FBXL17: variants seen among roughly 807,000 people sequenced by gnomAD.
FBXL17 encodes F-box/LRR-repeat protein 17.
A neutral mutation model predicts 66.2 loss-of-function variants in FBXL17; 22 were observed. The ratio of observed to expected loss-of-function variants is 0.33; its 90% CI spans 0.24 to 0.47. The LOEUF is 0.47. FBXL17 is among the 20% of genes least tolerant of loss of function. The pLI is 1.00. For missense variants in FBXL17, 878 were observed against 948.2 expected (o/e 0.93, Z 0.97); for synonymous variants, 474 against 400.5 (o/e 1.18, Z -2.19).
intron 6 of FBXL17, among the ~76,000 whole-genome samples, chr5:108,026,615 C>T (rs1355690489): frequency 5.3e-5 from 8 of 152,308 alleles, no homozygotes; most frequent in Admixed American, 3.3e-4. Context: ...GGGGCAAAGA[C>T]TAGGAGTGAC....
chr5:108,248,841 C>A (rs1431634708), intron 4 of FBXL17, among the ~76,000 whole-genome samples: 2 of 151,714 alleles, frequency 1.3e-5, no homozygotes, highest in East Asian at 3.9e-4. Context: ...AGTTCTATAT[C>A]CAGAAAAAAA....
intron 5 of FBXL17, among the ~76,000 whole-genome samples, chr5:108,209,714 G>A (rs1363944845): frequency 2.0e-5 from 3 of 152,184 alleles, no homozygotes; most frequent in Non-Finnish European, 4.4e-5. Context: ...CGGTTTGCCA[G>A]TATTTTATTG....
chr5:107,870,682 T>C (rs1284789118), intron 8 of FBXL17, among the ~76,000 whole-genome samples: 12 of 151,348 alleles, frequency 7.9e-5, no homozygotes, highest in Non-Finnish European at 1.2e-4. Flanking sequence ...GCCTCCTGGG[T>C]CCAAGTGATT....
At position 107,954,478 on chromosome 5, in the gene FBXL17, T is replaced by C. The variant is rs554625136; in HGVS notation, c.1822+66447A>G. On this transcript the variant is annotated intron_variant, in intron 7 of 8. Coordinates refer to ENST00000542267, the MANE Select transcript of FBXL17 (RefSeq NM_001163315.3). ...CTGTAGGCCATGGAAGGAGCACTGTTACAGAGTGCAAGGGACCTCAAAAGG... is the reference window on the plus strand; with the variant it reads ...CTGTAGGCCATGGAAGGAGCACTGTCACAGAGTGCAAGGGACCTCAAAAGG... 1.1e-4 allele frequency among the ~76,000 whole-genome samples: 17 copies of C among 152,344 alleles called. No homozygotes were observed. The South Asian group carries it at 3.5e-3, about 32-fold the overall frequency.
chr5:108,034,400 G>A (rs1021625510), intron 6 of FBXL17, among the ~76,000 whole-genome samples: 8 of 152,108 alleles, frequency 5.3e-5, no homozygotes, highest in Admixed American at 1.3e-4. Flanking sequence ...TCCTATCACC[G>A]AAAGAATTCT....
At chr5:108,371,453 A>G (rs1041936910) in intron 1 of FBXL17, among the ~76,000 whole-genome samples, 1 of 152,236 alleles carries the variant, frequency 6.6e-6, no homozygotes, top group Non-Finnish European at 1.5e-5. Flanking sequence ...AATGTATACA[A>G]CTATGTGCCA....
chr5:107,959,089 A>G (rs987631270), intron 7 of FBXL17, among the ~76,000 whole-genome samples: 2 of 152,022 alleles, frequency 1.3e-5, no homozygotes, highest in African/African-American at 2.4e-5. Flanking sequence ...TCTTACACGC[A>G]CCACACGCCA....
chr5:107,871,270 G>T (rs1395185158), intron 8 of FBXL17, among the ~76,000 whole-genome samples: 1 of 152,122 alleles, frequency 6.6e-6, no homozygotes, highest in Admixed American at 6.5e-5. Context: ...TCTTTTTCAT[G>T]AAATGTGTGT....
chr5:108,189,594 A>G (rs1469917815), intron 5 of FBXL17, among the ~76,000 whole-genome samples: 2 of 152,118 alleles, frequency 1.3e-5, no homozygotes, highest in African/African-American at 4.8e-5. Context: ...TGCCCCCTTG[A>G]GTGTGGACAG....
chr5:108,045,832 A>G (rs182467408), intron 6 of FBXL17, among the ~76,000 whole-genome samples: 50 of 152,314 alleles, frequency 3.3e-4, no homozygotes, highest in Middle Eastern at 3.4e-3. Flanking sequence ...AATACAATCC[A>G]TATGATTTTA....
chr5:108,297,038 C>T (rs1758376373), intron 4 of FBXL17, among the ~76,000 whole-genome samples: 1 of 151,098 alleles, frequency 6.6e-6, no homozygotes, highest in South Asian at 2.1e-4. Context: ...AATAATAAAC[C>T]TAGCATGCAT....
intron 4 of FBXL17, among the ~76,000 whole-genome samples, chr5:108,291,930 C>T (rs1758128812): frequency 6.6e-6 from 1 of 152,120 alleles, no homozygotes; most frequent in African/African-American, 2.4e-5. Context: ...TCACTGCCCT[C>T]AGTTCAGGTG....
chr5:108,055,308 A>ACAAAAC (rs1561388277), intron 6 of FBXL17, among the ~76,000 whole-genome samples: 12 of 21,920 alleles, frequency 5.5e-4, no homozygotes, highest in African/African-American at 2.5e-3. Flanking sequence ...AAAAAAAAAA[A>ACAAAAC]AAAAAGAAAA....
At chr5:108,283,403 T>C (rs1419179075) in intron 4 of FBXL17, among the ~76,000 whole-genome samples, 1 of 151,784 alleles carries the variant, frequency 6.6e-6, no homozygotes, top group Non-Finnish European at 1.5e-5. Flanking sequence ...CATATTTATA[T>C]TCAACTGATC....
intron 6 of FBXL17, among the ~76,000 whole-genome samples, chr5:108,154,903 C>G (rs189749219): frequency 6.6e-6 from 1 of 151,434 alleles, no homozygotes; most frequent in Non-Finnish European, 1.5e-5. Context: ...AGTCAAGAAA[C>G]GGGATTTCCA....
At chr5:108,061,540 G>C (rs1006750798) in intron 6 of FBXL17, among the ~76,000 whole-genome samples, 1 of 151,902 alleles carries the variant, frequency 6.6e-6, no homozygotes, top group Non-Finnish European at 1.5e-5. Flanking sequence ...TTCAAAAGTT[G>C]ACCCTGACAA....
At chr5:108,231,580 C>T (rs1042792441) in intron 4 of FBXL17, among the ~76,000 whole-genome samples, 16 of 152,160 alleles carry the variant, frequency 1.1e-4, no homozygotes, top group African/African-American at 3.4e-4. Context: ...ACAGTACATT[C>T]TGCTGGCCTA....
chr5:107,993,899 C>T (rs1035236789), intron 7 of FBXL17, among the ~76,000 whole-genome samples: 6 of 152,188 alleles, frequency 3.9e-5, no homozygotes, highest in Non-Finnish European at 7.3e-5. Context: ...CCAGATCAAG[C>T]TCATTTCAGA....
At chr5:108,316,669 T>C (rs1759378356) in intron 4 of FBXL17, among the ~76,000 whole-genome samples, 2 of 151,374 alleles carry the variant, frequency 1.3e-5, no homozygotes, top group Non-Finnish European at 3.0e-5. Context: ...TTCAATATAG[T>C]TTTAGCCTTA....
Sources: allele counts gnomAD v4.1 joint callset (sites outside exome capture counted in the v4.1 genomes callset), GRCh38; gene constraint gnomAD v4.1.1; transcripts MANE v1.5; gene names NCBI Gene and HGNC (gene_info 2026-07-23, HGNC 2026-07-21).